Variants in MON2 observed in about 807,000 individuals in gnomAD.
MON2 encodes MON2 regulator of endosome-to-Golgi trafficking.
MON2 carries 84 observed loss-of-function variants against 208.6 expected under a neutral mutation model. That is an observed-to-expected ratio of 0.40 (90% CI 0.34 to 0.48). The LOEUF is 0.48. Among genes scored for constraint, MON2 ranks in the 20% least tolerant of loss-of-function variants. The pLI is 0.59. For missense variants in MON2, 1,611 were observed against 2,015.4 expected, an observed-to-expected ratio of 0.80 and a Z score of 3.84; for synonymous variants, 660 against 694.0, an observed-to-expected ratio of 0.95 and a Z score of 0.77.
intron 29 of MON2, among the ~76,000 whole-genome samples, chr12:62,568,321 T>C (rs1027098515): frequency 1.3e-5 from 2 of 152,146 alleles, no homozygotes; most frequent in Non-Finnish European, 2.9e-5. Flanking sequence ...CACTACAAAG[T>C]AATATGAATC....
In MON2 at chr12:62,547,018, G is replaced by A. The variant is rs1267739650; in HGVS notation, c.2699G>A (p.Gly900Glu). Residue 900 changes from glycine (G) to glutamate (E), a missense_variant, in exon 22 of 35, where the codon GGG becomes GAG. Physicochemically the swap from Gly to Glu is moderately conservative, Grantham distance 98. Transcript: ENST00000393630. ...CTGCAGAGTCAGGGAGACAGTCTTG[G>A]GCCTGGATGGCCATTAGTGCTTGGA... ...QILQSQGDSL[G>E]PGWPLVLGVM... 1 of 1,609,796 alleles carries A rather than the reference G, an allele frequency of 6.2e-7. No individual in the cohort carries two copies. Among genetic ancestry groups the A allele is most frequent in the Non-Finnish European group, 8.5e-7 (1 of 1,177,360 alleles).
In MON2 at chr12:62,537,651, A is replaced by C; in HGVS notation, c.2063A>C (p.His688Pro). 1 of 1,613,438 alleles carries C rather than the reference A, an allele frequency of 6.2e-7. No individual in the cohort carries two copies. Among genetic ancestry groups the C allele is most frequent in the Non-Finnish European group, 8.5e-7 (1 of 1,179,754 alleles). Residue 688 changes from histidine (H) to proline (P), a missense_variant, in exon 16 of 35, where the codon CAT (histidine) becomes CCT (proline). Coordinates refer to ENST00000393630, the MANE Select transcript of MON2 (RefSeq NM_015026.3). ...QCMRTLLNLA[H>P]CHGAVLGTSW... The stretch of plus-strand genomic sequence containing the variant: ...ATGAGGACTTTACTTAACTTGGCGC[A>C]TTGCCATGGGGCTGTTCTTGGAACA...
chr12:62,468,694 T>G (rs1211562864), intron 1 of MON2, among the ~76,000 whole-genome samples: 1 of 152,212 alleles, frequency 6.6e-6, no homozygotes, highest in Non-Finnish European at 1.5e-5. Flanking sequence ...GATTTTCATT[T>G]TTTTTATATC....
intron 30 of MON2, among the ~76,000 whole-genome samples, chr12:62,571,804 A>T (rs558406565): frequency 2.0e-5 from 3 of 152,218 alleles, no homozygotes; most frequent in Non-Finnish European, 4.4e-5. Flanking sequence ...CAGGAATATT[A>T]TATATAAAAC....
At chr12:62,528,097 A>G (rs781214934) in intron 11 of MON2, among the ~76,000 whole-genome samples, 3 of 148,818 alleles carry the variant, frequency 2.0e-5, no homozygotes, top group African/African-American at 7.4e-5. Flanking sequence ...TTAGTGCTAT[A>G]CATACTGAAA....
At chr12:62,500,646 T>C (rs1319918672) in intron 5 of MON2, 137 bp from the exon 6 acceptor site, 2 of 508,980 alleles carry the variant, frequency 3.9e-6, no homozygotes, top group Non-Finnish European at 6.8e-6. Flanking sequence ...TATGTTAACA[T>C]TGGAAATTTT....
chr12:62,527,692 A>G lies in MON2; in HGVS notation c.1400+1590A>G, dbSNP rs35900100. Among the ~76,000 whole-genome samples, 225 of 152,270 alleles carry G rather than the reference A, an allele frequency of 1.5e-3. 1 individual carries two copies. The highest frequency in any genetic ancestry group is 2.9e-3 in the Non-Finnish European group (194 of 68,014). ...AAATAAATACACAAGTAAATATATAATATAACCTTGGGTAGTGGTTAATTT... is the reference window on the plus strand; with the variant it reads ...AAATAAATACACAAGTAAATATATAGTATAACCTTGGGTAGTGGTTAATTT... On this transcript the variant is annotated intron_variant, in intron 11 of 34. Transcript: ENST00000393630.
Position 62,549,745 on chromosome 12 carries a change from G to C in MON2, c.2831G>C (p.Cys944Ser). 2 of 1,613,024 alleles carry C rather than the reference G, an allele frequency of 1.2e-6. No individual in the cohort carries two copies. The highest frequency in any genetic ancestry group is 2.2e-5 in the South Asian group (2 of 90,890). Residue 944 changes from cysteine (C) to serine (S), a missense_variant, in exon 23 of 35, where the codon TGC becomes TCC. By Grantham distance (112) the Cys-to-Ser change is moderately radical (BLOSUM62 -1). Transcript: ENST00000393630. ...TDFLPTMPCT[C>S]LQIVVDVAGS... ...TTTCTACCAACAATGCCTTGTACTT[G>C]CCTGCAAATAGTTGTAGATGTTGCA...
At chr12:62,502,789 A>G (rs1216384322) in intron 7 of MON2, among the ~76,000 whole-genome samples, 1 of 152,096 alleles carries the variant, frequency 6.6e-6, no homozygotes, top group East Asian at 1.9e-4. Context: ...TTTTTTAACT[A>G]CTCATCTAGT....
intron 2 of MON2, 31 bp from the exon 3 acceptor site, chr12:62,493,884 A>G (rs1565969839): frequency 7.1e-7 from 1 of 1,400,132 alleles, no homozygotes; most frequent in Non-Finnish European, 9.5e-7. Flanking sequence ...ATTAATTTTA[A>G]TAATTTACTT....
chr12:62,504,313 C>T (rs1237936741), intron 7 of MON2, among the ~76,000 whole-genome samples: 5 of 145,746 alleles, frequency 3.4e-5, no homozygotes, highest in South Asian at 2.1e-4. Flanking sequence ...CGCATGATCT[C>T]GGCTCACTGC....
rs535031376 is a variant in MON2, at chr12:62,561,101, T to C, written c.4020T>C (p.Asp1340=). Residue 1340 remains aspartate (D), a synonymous_variant, in exon 26 of 35, where the codon GAT becomes GAC. Coordinates refer to ENST00000393630, the MANE Select transcript of MON2 (RefSeq NM_015026.3). The part of the protein sequence containing the change: ...SLQEAVLTAL[D]VLQKAICVGP... Reference sequence around the variant, plus strand: ...AGGAAGCTGTACTTACAGCTTTAGATGTTCTCCAAAAGGTAATATAATTTT... The same window carrying C: ...AGGAAGCTGTACTTACAGCTTTAGACGTTCTCCAAAAGGTAATATAATTTT... 2 of 1,602,638 alleles carry C rather than the reference T, an allele frequency of 1.2e-6. No individual in the cohort carries two copies. The highest frequency in any genetic ancestry group is 1.1e-5 in the South Asian group (1 of 88,810).
chr12:62,492,517 GC>G (rs1341943087), intron 2 of MON2, among the ~76,000 whole-genome samples: 5 of 149,570 alleles, frequency 3.3e-5, no homozygotes, highest in Admixed American at 6.6e-5. Context: ...GACTACAGGC[GC>G]CCGCCACCGC....
At chr12:62,519,692 A>G (rs1238072358) in intron 8 of MON2, among the ~76,000 whole-genome samples, 3 of 152,262 alleles carry the variant, frequency 2.0e-5, no homozygotes, top group Non-Finnish European at 4.4e-5. Flanking sequence ...TTGGGTTGAC[A>G]CATAACGATG....
chr12:62,545,188 A>G lies in MON2; in HGVS notation c.2577+180A>G, dbSNP rs1046307083. On this transcript the variant is annotated intron_variant, in intron 21 of 34. Coordinates refer to ENST00000393630, the MANE Select transcript of MON2 (RefSeq NM_015026.3). The stretch of plus-strand genomic sequence containing the variant: ...GTAAGAGATTTTTAGGGCTGTTTTC[A>G]TAAAAAATTTTAAACATCTTGTGGA... Among the ~76,000 whole-genome samples the G allele has an allele frequency of 3.9e-5, 6 of 152,100 alleles. No homozygotes were observed. In the South Asian group the frequency reaches 6.2e-4, roughly 16 times the overall value.
At chr12:62,532,060 C>A (rs1474277868) in intron 11 of MON2, among the ~76,000 whole-genome samples, 1 of 152,190 alleles carries the variant, frequency 6.6e-6, no homozygotes, top group African/African-American at 2.4e-5. Context: ...TGAGCCACCA[C>A]GCCCGGCCAA....
intron 8 of MON2, among the ~76,000 whole-genome samples, chr12:62,510,124 A>T (rs1381938021): frequency 1.3e-5 from 2 of 152,194 alleles, no homozygotes; most frequent in Non-Finnish European, 2.9e-5. Flanking sequence ...GAAAAAAATT[A>T]AACAGACCTA....
intron 20 of MON2, among the ~76,000 whole-genome samples, chr12:62,544,249 A>G (rs994331662): frequency 1.3e-5 from 2 of 152,154 alleles, no homozygotes; most frequent in Non-Finnish European, 2.9e-5. Context: ...GTTCAAGACC[A>G]GCCTGGGCAA....
intron 25 of MON2, among the ~76,000 whole-genome samples, chr12:62,559,673 C>A (rs753595130): frequency 3.2e-4 from 49 of 151,682 alleles, no homozygotes; most frequent in Non-Finnish European, 1.3e-4. Context: ...TGATCCCAGC[C>A]ACACTTGGGA....
Sources: allele counts gnomAD v4.1 joint callset (sites outside exome capture counted in the v4.1 genomes callset), GRCh38; gene constraint gnomAD v4.1.1; transcripts MANE v1.5; gene names NCBI Gene and HGNC (gene_info 2026-07-23, HGNC 2026-07-21).